The following CLK1 variants were observed in gnomAD, a reference collection of about 807,000 sequenced individuals.
CLK1 encodes the protein dual specificity protein kinase CLK1.
Under a neutral mutation model 60.9 loss-of-function variants are expected in CLK1, and 40 were observed. The observed-to-expected ratio is 0.66, with a 90% CI of 0.51 to 0.86. The LOEUF is 0.86. Ranked by LOEUF, CLK1 falls within the 40% of genes least tolerant of loss-of-function variation. The pLI, the probability that CLK1 is intolerant of heterozygous loss-of-function variation, is 0.00. For synonymous variants in CLK1, 203 were observed against 184.4 expected, an observed-to-expected ratio of 1.10 and a Z score of -0.82; for missense variants, 563 against 606.1, an observed-to-expected ratio of 0.93 and a Z score of 0.75.
rs1017431581 is a variant in CLK1, at chr2:200,854,620, T to C, written c.1216A>G (p.Thr406Ala). 3 of 1,583,676 alleles carry C rather than the reference T, an allele frequency of 1.9e-6. No individual in the cohort carries two copies. The African/African-American group carries it at 4.0e-5, about 21-fold the overall frequency. Residue 406 changes from threonine (T) to alanine (A), a missense_variant, in exon 11 of 13, where the codon ACC becomes GCC. By Grantham distance (58) the Thr-to-Ala change is moderately conservative. Transcript: ENST00000321356. ...TCACTAACTCTTAAAACGTACCTGG[T>C]TTTCTGTATCATATGTTTTGGTAGA... ...GPLPKHMIQKTRKRKYFHHDR... is the reference protein window; with the variant it reads ...GPLPKHMIQKARKRKYFHHDR...
chr2:200,854,916 C>A lies in CLK1; in HGVS notation c.1140+88G>T, dbSNP rs898544489. On this transcript the variant is annotated intron_variant, in intron 10 of 12. Coordinates refer to ENST00000321356, the MANE Select transcript of CLK1 (RefSeq NM_004071.4). ...TTTATGCTTATCTACAATTAATAGTCTATAATGGGGGAAGCAAAAGTATTT... is the reference window on the plus strand; with the variant it reads ...TTTATGCTTATCTACAATTAATAGTATATAATGGGGGAAGCAAAAGTATTT... The A allele has an allele frequency of 1.8e-5, 18 of 975,944 alleles. No homozygotes were observed. The African/African-American group carries it at 2.0e-4, about 11-fold the overall frequency. 60.5% of individuals were successfully genotyped at this position (975,944 alleles called of 1,614,324 possible).
At position 200,861,470 on chromosome 2, in the gene CLK1, G is replaced by C. The variant is rs546640082; in HGVS notation, c.162-4C>G. The C allele has an allele frequency of 2.1e-5, 34 of 1,610,524 alleles. No homozygotes were observed. The highest frequency in any genetic ancestry group is 2.8e-5 in the Non-Finnish European group (33 of 1,178,750). The stretch of plus-strand genomic sequence containing the variant: ...AGACCTGCTTTCCAAATAATGGCTA[G>C]AGAAATAAAAATTATTTTCAATGTT... On this transcript the variant is annotated splice_region_variant and splice_polypyrimidine_tract_variant and intron_variant, in intron 2 of 12. Transcript: ENST00000321356.
intron 12 of CLK1, 43 bp downstream of exon 12, chr2:200,853,860 G>C (rs1026813249): frequency 3.5e-6 from 5 of 1,445,382 alleles, no homozygotes; most frequent in Non-Finnish European, 3.8e-6. Flanking sequence ...ACAAACAGAA[G>C]AAACTCAGTT....
chr2:200,857,059 C>T (rs41271451), intron 7 of CLK1, 74 bp from the exon 8 acceptor site: 69,764 of 1,184,230 alleles, frequency 0.059, 2,413 homozygotes, highest in South Asian at 0.081. Flanking sequence ...CACAACAGGC[C>T]GGGTGCAGTG....
intron 9 of CLK1, 83 bp from the exon 10 acceptor site, chr2:200,855,169 T>A (rs1378335243): frequency 1.1e-3 from 863 of 762,336 alleles, no homozygotes; most frequent in South Asian, 1.4e-3. Flanking sequence ...ACTAATACTT[T>A]AAAAAAAAAA....
chr2:200,864,291 C>T (rs2039193769), intron 1 of CLK1: 2 of 1,483,980 alleles, frequency 1.3e-6, no homozygotes, highest in South Asian at 1.3e-5. Context: ...TCAGGCGGCG[C>T]CGCTTCCTCA....
intron 3 of CLK1, chr2:200,860,587 A>G (rs2039121164): frequency 9.9e-7 from 1 of 1,005,498 alleles, no homozygotes; most frequent in Non-Finnish European, 1.2e-6. Context: ...GTATGATGTA[A>G]TATTTACTTG....
At chr2:200,862,645 C>G (rs1037577756) in intron 1 of CLK1, among the ~76,000 whole-genome samples, 3 of 152,216 alleles carry the variant, frequency 2.0e-5, no homozygotes, top group Admixed American at 2.0e-4. Context: ...ACAAAGCCTG[C>G]CTTTAGTGGT....
In CLK1 at chr2:200,853,385, TC is replaced by T. The variant is rs751304662; in HGVS notation, c.1375del (p.Glu459SerfsTer14). 2 of 1,613,284 alleles carry T rather than the reference TC, an allele frequency of 1.2e-6. No individual in the cohort carries two copies. Among genetic ancestry groups the T allele is most frequent in the Non-Finnish European group, 1.7e-6 (2 of 1,179,532 alleles). On this transcript the variant is annotated frameshift_variant, in exon 13 of 13. Coordinates refer to ENST00000321356, the MANE Select transcript of CLK1 (RefSeq NM_004071.4). LOFTEE classifies it high-confidence loss of function. The part of the protein sequence containing the change: ...RLFDLIQKML[E>X]YDPAKRITLR... ...AGTAATTCTTTTGGCTGGATCATAC[TC>T]CAACATTTTCTGAATGAGGTCAAAG...
chr2:200,860,580 T>A, intron 3 of CLK1: 1 of 1,009,552 alleles, frequency 9.9e-7, no homozygotes, highest in Non-Finnish European at 1.2e-6. Context: ...CAAAATCGTA[T>A]GATGTAATAT....
chr2:200,855,014 G>C lies in CLK1; in HGVS notation c.1130C>G (p.Thr377Ser). The C allele has an allele frequency of 6.2e-7, 1 of 1,611,312 alleles. No homozygotes were observed. Among genetic ancestry groups the C allele is most frequent in the Non-Finnish European group, 8.5e-7 (1 of 1,178,728 alleles). The change falls in exon 10 of 13, where the codon ACC (threonine) becomes AGC (serine). Residue 377 changes from threonine (T) to serine (S), a missense_variant. Thr to Ser is a moderately conservative substitution (Grantham distance 58). This residue lies in a region of CLK1 where 360 missense variants were observed against 407.0 expected (regional missense o/e 0.88). Coordinates refer to ENST00000321356, the MANE Select transcript of CLK1 (RefSeq NM_004071.4). ...ATCATTGTCACTTACTGGAAATACG[G>C]TAAACCCAAGATAGTATTCAATAAG... ...CILIEYYLGF[T>S]VFPTHDSKEH...
chr2:200,855,237 A>C lies in CLK1; in HGVS notation c.1058-151T>G, dbSNP rs555126052. On this transcript the variant is annotated intron_variant, in intron 9 of 12. Coordinates refer to ENST00000321356, the MANE Select transcript of CLK1 (RefSeq NM_004071.4). ...ACACCTGTAATCCCAGCACTTTGGG[A>C]GGCCAAGATGGGAGAACTGCTTGAG... 6 of 586,112 alleles carry C rather than the reference A, an allele frequency of 1.0e-5. No individual in the cohort carries two copies. The Admixed American group carries it at 2.0e-4, about 20-fold the overall frequency. 36.3% of individuals were successfully genotyped at this position (586,112 alleles called of 1,614,324 possible).
intron 3 of CLK1, 25 bp from the exon 4 acceptor site, chr2:200,860,240 C>G: frequency 6.2e-7 from 1 of 1,613,642 alleles, no homozygotes; most frequent in Non-Finnish European, 8.5e-7. Context: ...TGGGCGGCAC[C>G]AAGATCATCC....
At chr2:200,858,875 T>C (rs578255581) in intron 5 of CLK1, among the ~76,000 whole-genome samples, 2 of 150,476 alleles carry the variant, frequency 1.3e-5, no homozygotes, top group South Asian at 2.1e-4. Context: ...AATTCTATAC[T>C]ATCTTAAGAA....
intron 5 of CLK1, 107 bp from the exon 6 acceptor site, chr2:200,858,196 ATTTATGG>A: frequency 4.9e-6 from 4 of 808,582 alleles, no homozygotes; most frequent in Non-Finnish European, 8.6e-6. Flanking sequence ...TATTTTTTTA[ATTTATGG>A]TTTAGTGTTC....
At chr2:200,857,099 A>G (rs1406100554) in intron 7 of CLK1, 114 bp from the exon 8 acceptor site, 1 of 784,926 alleles carries the variant, frequency 1.3e-6, no homozygotes, top group East Asian at 2.7e-5. Context: ...TGAGGTCAGG[A>G]GTTCGAGACC....
chr2:200,856,285 T>G (rs1188436795), intron 9 of CLK1, among the ~76,000 whole-genome samples: 1 of 152,070 alleles, frequency 6.6e-6, no homozygotes, highest in African/African-American at 2.4e-5. Flanking sequence ...TTAGCCAGGA[T>G]GGTCTCGATT....
chr2:200,861,190 T>C (rs2039131614), intron 3 of CLK1, 48 bp downstream of exon 3: 7 of 1,586,606 alleles, frequency 4.4e-6, no homozygotes, highest in African/African-American at 1.4e-5. Flanking sequence ...AGTTTCCCTG[T>C]TCCACATGGG....
intron 3 of CLK1, chr2:200,860,784 A>G: frequency 9.8e-7 from 1 of 1,018,930 alleles, no homozygotes; most frequent in Non-Finnish European, 1.2e-6. Context: ...AACAGTTCAA[A>G]TCTGTTCTGG....
Sources: gnomAD v4.1 joint callset for allele counts (sites outside exome capture counted in the v4.1 genomes callset) on GRCh38, gnomAD v4.1.1 for gene constraint, gnomAD v4.1.1 regional missense constraint, MANE v1.5 for transcripts, NCBI Gene and HGNC (gene_info 2026-07-23, HGNC 2026-07-21) for gene names.